The following CTNNA2 variants were observed in gnomAD, a reference collection of about 807,000 sequenced individuals.
CTNNA2 encodes catenin alpha 2, also known as catenin alpha-2.
A neutral mutation model predicts 101.0 loss-of-function variants in CTNNA2; 42 were observed. That is an observed-to-expected ratio of 0.42 (90% confidence interval 0.32 to 0.54). CTNNA2 has a LOEUF of 0.54. Ranked by LOEUF, CTNNA2 falls within the 20% of genes least tolerant of loss-of-function variation. The pLI is 0.14. For missense variants in CTNNA2, 871 were observed against 1,223.1 expected, an observed-to-expected ratio of 0.71 and a Z score of 4.29; for synonymous variants, 450 against 456.4, an observed-to-expected ratio of 0.99 and a Z score of 0.18.
chr2:80,280,560 T>C (rs1674298468), intron 7 of CTNNA2, among the ~76,000 whole-genome samples: 1 of 151,954 alleles, frequency 6.6e-6, no homozygotes, highest in Non-Finnish European at 1.5e-5. Context: ...ACACCTTTTA[T>C]TTTTTACAGC....
intron 4 of CTNNA2, among the ~76,000 whole-genome samples, chr2:79,405,685 T>C (rs139198156): frequency 1.1e-4 from 16 of 152,168 alleles, no homozygotes; most frequent in African/African-American, 3.8e-4. Flanking sequence ...ATTTATGGGA[T>C]ACACAGCGAT....
chr2:80,058,729 C>G (rs1697387331), intron 7 of CTNNA2, among the ~76,000 whole-genome samples: 1 of 152,110 alleles, frequency 6.6e-6, no homozygotes, highest in Admixed American at 6.5e-5. Context: ...TCTTCCAACT[C>G]AACTCTTTCA....
chr2:80,228,893 C>T (rs112547397), intron 7 of CTNNA2, among the ~76,000 whole-genome samples: 1,750 of 152,244 alleles, frequency 0.011, 32 homozygotes, highest in African/African-American at 0.039. Context: ...CATTTTGTAA[C>T]AGCAAACATA....
intron 1 of CTNNA2, among the ~76,000 whole-genome samples, chr2:79,631,597 C>T (rs1216144954): frequency 1.3e-5 from 2 of 152,098 alleles, no homozygotes; most frequent in Admixed American, 6.6e-5. Context: ...TTTTGTTCTA[C>T]ACATGTACAA....
rs549155842 is a variant in CTNNA2 at position 79,886,479 on chromosome 2, C to T, written c.852+12137C>T. On this transcript the variant is annotated intron_variant, in intron 6 of 18. Transcript: ENST00000402739. ...TAAAGAAGGAAATGGCAGCCAGGCG[C>T]GGTGGCTCACGCCTGTAATCCCAGC... Among the ~76,000 whole-genome samples, 8 of 151,940 alleles carry T rather than the reference C, an allele frequency of 5.3e-5. No homozygotes were observed. In the East Asian group the frequency reaches 5.9e-4, roughly 11 times the overall value.
At chr2:79,542,548 C>T (rs571543777) in intron 1 of CTNNA2, among the ~76,000 whole-genome samples, 8 of 152,198 alleles carry the variant, frequency 5.3e-5, no homozygotes, top group South Asian at 4.2e-4. Flanking sequence ...CTTCATTGCT[C>T]ACTAAAACTG....
At chr2:79,301,782 C>T (rs755467754) in intron 2 of CTNNA2, among the ~76,000 whole-genome samples, 1 of 152,030 alleles carries the variant, frequency 6.6e-6, no homozygotes, top group Non-Finnish European at 1.5e-5. Flanking sequence ...GAGATCTGGA[C>T]TTTCTCATGA....
intron 3 of CTNNA2, among the ~76,000 whole-genome samples, chr2:79,345,009 T>A (rs1379108241): frequency 6.6e-6 from 1 of 150,932 alleles, no homozygotes; most frequent in Non-Finnish European, 1.5e-5. Context: ...TAACTTTGTT[T>A]TCTGTATTTG....
chr2:80,096,674 A>G (rs1186728772), intron 7 of CTNNA2, among the ~76,000 whole-genome samples: 1 of 152,200 alleles, frequency 6.6e-6, no homozygotes, highest in South Asian at 2.1e-4. Context: ...GACTTGCTTT[A>G]TGAATCTGGG....
chr2:80,073,527 G>T (rs1698483219), intron 7 of CTNNA2, among the ~76,000 whole-genome samples: 1 of 152,076 alleles, frequency 6.6e-6, no homozygotes, highest in East Asian at 1.9e-4. Flanking sequence ...TGTGAAGTGT[G>T]CAAAGCAAGC....
chr2:80,187,751 T>C (rs906002208), intron 7 of CTNNA2, among the ~76,000 whole-genome samples: 4 of 152,086 alleles, frequency 2.6e-5, no homozygotes, highest in African/African-American at 9.7e-5. Context: ...ATGATGCTTA[T>C]AGTTATCACA....
chr2:80,241,601 A>G (rs1001345280), intron 7 of CTNNA2, among the ~76,000 whole-genome samples: 1 of 151,384 alleles, frequency 6.6e-6, no homozygotes, highest in Admixed American at 6.6e-5. Context: ...CTATCTATCT[A>G]TCTATCTATC....
chr2:79,577,484 A>G (rs773483495), intron 1 of CTNNA2, among the ~76,000 whole-genome samples: 2 of 152,102 alleles, frequency 1.3e-5, no homozygotes, highest in African/African-American at 2.4e-5. Context: ...CTACCTTTTG[A>G]TGCTTGAAGG....
In CTNNA2 at chr2:79,413,838, A is replaced by G. The variant is rs199918857; in HGVS notation, c.-135+39825A>G. Among the ~76,000 whole-genome samples, 14 of 151,718 alleles carry G rather than the reference A, an allele frequency of 9.2e-5. No individual in the cohort carries two copies. In the East Asian group the frequency reaches 2.1e-3, roughly 23 times the overall value. ...TTAATGATGTTGAGCAATTTTTCAC[A>G]AAACTATTGGCCATTTGTATGTCTT... On this transcript the variant is annotated intron_variant, in intron 4 of 21. Transcript: ENST00000466387.
At chr2:79,658,299 A>G (rs912146433) in intron 2 of CTNNA2, among the ~76,000 whole-genome samples, 1 of 151,968 alleles carries the variant, frequency 6.6e-6, no homozygotes, top group Admixed American at 6.6e-5. Context: ...TAAAATATAG[A>G]TAATAATAAT....
chr2:80,047,642 G>A (rs1270600067), intron 7 of CTNNA2, among the ~76,000 whole-genome samples: 1 of 152,134 alleles, frequency 6.6e-6, no homozygotes, highest in Non-Finnish European at 1.5e-5. Context: ...AAAAATTGCA[G>A]AGACCCTTTT....
intron 3 of CTNNA2, among the ~76,000 whole-genome samples, chr2:79,793,873 C>T (rs1246282731): frequency 7.2e-6 from 1 of 139,464 alleles, no homozygotes; most frequent in African/African-American, 2.9e-5. Flanking sequence ...CAATACCACA[C>T]ACACACACAC....
intron 7 of CTNNA2, among the ~76,000 whole-genome samples, chr2:80,058,967 G>A (rs994438272): frequency 3.9e-5 from 6 of 152,136 alleles, no homozygotes; most frequent in African/African-American, 1.4e-4. Context: ...TATCCACTAA[G>A]CAGCTCCCTA....
At chr2:80,223,302 T>C (rs867825593) in intron 7 of CTNNA2, among the ~76,000 whole-genome samples, 2 of 152,174 alleles carry the variant, frequency 1.3e-5, no homozygotes, top group South Asian at 2.1e-4. Context: ...GAAGTCAGGA[T>C]AGAGGAAGGG....
Sources: allele counts gnomAD v4.1 joint callset (sites outside exome capture counted in the v4.1 genomes callset), GRCh38; gene constraint gnomAD v4.1.1; transcripts MANE v1.5; gene names NCBI Gene and HGNC (gene_info 2026-07-23, HGNC 2026-07-21).